DLG2: variants seen among roughly 807,000 people sequenced by gnomAD.
DLG2 encodes disks large homolog 2.
DLG2 carries 45 observed loss-of-function variants against 132.5 expected under a neutral mutation model. That is an observed-to-expected ratio of 0.34 (90% confidence interval 0.27 to 0.44). The LOEUF is 0.44. Among genes scored for constraint, DLG2 ranks in the 20% least tolerant of loss-of-function variants. The pLI, the probability that DLG2 is intolerant of heterozygous loss-of-function variation, is 1.00. For synonymous variants in DLG2, 424 were observed against 419.6 expected, an observed-to-expected ratio of 1.01 and a Z score of -0.13; for missense variants, 1,045 against 1,196.9, an observed-to-expected ratio of 0.87 and a Z score of 1.87.
intron 3 of DLG2, among the ~76,000 whole-genome samples, chr11:85,380,672 T>TA (rs1045588209): frequency 2.6e-5 from 4 of 151,274 alleles, no homozygotes; most frequent in Non-Finnish European, 5.9e-5. Flanking sequence ...ACAACAACAA[T>TA]AAAAAAAAGT....
chr11:83,500,835 T>G (rs1345696506), intron 21 of DLG2, among the ~76,000 whole-genome samples: 1 of 152,164 alleles, frequency 6.6e-6, no homozygotes, highest in Non-Finnish European at 1.5e-5. Context: ...AATAATAGAT[T>G]CTGAAAGTGT....
chr11:83,900,210 A>G (rs1174228843), intron 15 of DLG2, among the ~76,000 whole-genome samples: 1 of 152,224 alleles, frequency 6.6e-6, no homozygotes, highest in East Asian at 1.9e-4. Context: ...ACTCAGTTTT[A>G]TAAGGGAAGC....
chr11:85,209,532 A>G (rs923261104), intron 4 of DLG2, among the ~76,000 whole-genome samples: 4 of 133,248 alleles, frequency 3.0e-5, no homozygotes, highest in Admixed American at 1.8e-4. Flanking sequence ...GGTTCAAGCA[A>G]TTCTCCTGCC....
chr11:84,768,163 T>C (rs969746167), intron 6 of DLG2, among the ~76,000 whole-genome samples: 11 of 152,180 alleles, frequency 7.2e-5, no homozygotes, highest in African/African-American at 2.7e-4. Context: ...ATAAATAAAG[T>C]TATGCACAAA....
chr11:84,551,510 C>T (rs1484314600), intron 6 of DLG2, among the ~76,000 whole-genome samples: 2 of 152,148 alleles, frequency 1.3e-5, no homozygotes, highest in Non-Finnish European at 2.9e-5. Context: ...TGTATTAATG[C>T]TTTACAAGCC....
chr11:85,513,862 C>T (rs1016008404), intron 3 of DLG2, among the ~76,000 whole-genome samples: 11 of 151,952 alleles, frequency 7.2e-5, no homozygotes, highest in Admixed American at 6.6e-4. Context: ...CCAAATCCCC[C>T]AAATCTGATT....
chr11:84,859,458 A>G (rs1487965438), intron 6 of DLG2, among the ~76,000 whole-genome samples: 1 of 145,754 alleles, frequency 6.9e-6, no homozygotes, highest in Non-Finnish European at 1.5e-5. Context: ...ACATATATAC[A>G]TATATATATA....
At position 85,263,644 on chromosome 11, in the gene DLG2, C is replaced by T. The variant is rs116758694; in HGVS notation, c.186+21576G>A. Among the ~76,000 whole-genome samples the T allele has an allele frequency of 5.3e-3, 808 of 152,310 alleles. 7 individuals are homozygous for T. Among genetic ancestry groups the T allele is most frequent in the African/African-American group, 0.018 (749 of 41,560 alleles). On this transcript the variant is annotated intron_variant, in intron 4 of 27. Coordinates refer to ENST00000376104, the MANE Select transcript of DLG2 (RefSeq NM_001142699.3). ...AAGAAAAGTAAACTCTAAACTCTCA[C>T]CCTATTGAGTGGCAGTGTTCAGACG...
At chr11:84,530,859 G>A (rs1252453134) in intron 7 of DLG2, among the ~76,000 whole-genome samples, 2 of 152,160 alleles carry the variant, frequency 1.3e-5, no homozygotes, top group African/African-American at 4.8e-5. Context: ...AATAGCAAAG[G>A]CAAGGAATCA....
At chr11:83,951,009 G>T (rs1050329589) in intron 14 of DLG2, among the ~76,000 whole-genome samples, 3 of 152,064 alleles carry the variant, frequency 2.0e-5, no homozygotes, top group Admixed American at 6.6e-5. Flanking sequence ...GAAAGTGAAA[G>T]ATTGAATAAA....
chr11:85,163,639 T>C (rs2078211343), intron 4 of DLG2, among the ~76,000 whole-genome samples: 1 of 152,172 alleles, frequency 6.6e-6, no homozygotes, highest in Non-Finnish European at 1.5e-5. Flanking sequence ...AAGAAAGAAA[T>C]GGATTAAAAT....
At position 83,715,498 on chromosome 11, in the gene DLG2, C is replaced by G. The variant is rs138202463; in HGVS notation, c.1825+71192G>C. ...AGAGAGCAGCCAGCTGAGGCCTATA[C>G]CTGACATTTCCACCTTTGAGGCAAA... On this transcript the variant is annotated intron_variant, in intron 18 of 27. Coordinates refer to ENST00000376104, the MANE Select transcript of DLG2 (RefSeq NM_001142699.3). 4.6e-5 allele frequency among the ~76,000 whole-genome samples: 7 copies of G among 152,280 alleles called. No individual in the cohort carries two copies. In the East Asian group the frequency reaches 1.4e-3, roughly 29 times the overall value.
chr11:84,808,668 A>G (rs1010499502), intron 6 of DLG2, among the ~76,000 whole-genome samples: 9 of 152,050 alleles, frequency 5.9e-5, no homozygotes, highest in African/African-American at 1.9e-4. Flanking sequence ...AGTGAGTACT[A>G]CAAACAGTTC....
intron 17 of DLG2, among the ~76,000 whole-genome samples, chr11:83,801,661 CT>C (rs1234835853): frequency 6.6e-6 from 1 of 152,130 alleles, no homozygotes; most frequent in Non-Finnish European, 1.5e-5. Context: ...GAGCTCTTTG[CT>C]GACAATCACA....
chr11:84,163,603 T>G (rs1315021299), intron 8 of DLG2, 92 bp from the exon 9 acceptor site: 1 of 1,027,554 alleles, frequency 9.7e-7, no homozygotes, highest in African/African-American at 1.7e-5. Context: ...GGTGAAATTT[T>G]CATTCTAGCT....
At chr11:83,718,851 C>T (rs145030286) in intron 18 of DLG2, among the ~76,000 whole-genome samples, 74 of 152,280 alleles carry the variant, frequency 4.9e-4, no homozygotes, top group African/African-American at 1.7e-3. Context: ...GTAGGGCCAG[C>T]TTGCATCTCC....
chr11:83,669,252 T>C (rs996179445), intron 18 of DLG2, among the ~76,000 whole-genome samples: 2 of 152,204 alleles, frequency 1.3e-5, no homozygotes, highest in Non-Finnish European at 2.9e-5. Flanking sequence ...ATTAATTTAC[T>C]GCAAAATAAT....
intron 18 of DLG2, among the ~76,000 whole-genome samples, chr11:83,688,692 T>G (rs2080285605): frequency 2.6e-5 from 4 of 152,198 alleles, no homozygotes; most frequent in Non-Finnish European, 5.9e-5. Flanking sequence ...ATATACATCA[T>G]TAATATAAAT....
At chr11:83,757,539 C>G (rs1566845972) in intron 18 of DLG2, among the ~76,000 whole-genome samples, 1 of 152,176 alleles carries the variant, frequency 6.6e-6, no homozygotes, top group African/African-American at 2.4e-5. Context: ...GTAAAGCAAA[C>G]TGTCTTTAAA....
Sources: allele counts gnomAD v4.1 joint callset (sites outside exome capture counted in the v4.1 genomes callset), GRCh38; gene constraint gnomAD v4.1.1; transcripts MANE v1.5; gene names NCBI Gene and HGNC (gene_info 2026-07-23, HGNC 2026-07-21).